ARHGAP15: variants seen among roughly 807,000 people sequenced by gnomAD.
The protein encoded by ARHGAP15 is rho GTPase-activating protein 15.
Under a neutral mutation model 63.7 loss-of-function variants are expected in ARHGAP15, and 51 were observed. That is an observed-to-expected ratio of 0.80 (90% CI 0.64 to 1.01). ARHGAP15 has a LOEUF of 1.01. ARHGAP15 is among the 50% of genes least tolerant of loss of function. The pLI, the probability that ARHGAP15 is intolerant of heterozygous loss-of-function variation, is 0.00. For missense variants in ARHGAP15, 560 were observed against 564.6 expected, an observed-to-expected ratio of 0.99 and a Z score of 0.08; for synonymous variants, 191 against 193.8, an observed-to-expected ratio of 0.99 and a Z score of 0.12.
At chr2:143,166,289 T>G (rs1690529914) in intron 2 of ARHGAP15, among the ~76,000 whole-genome samples, 2 of 152,140 alleles carry the variant, frequency 1.3e-5, no homozygotes, top group Admixed American at 1.3e-4. Flanking sequence ...GTCTCTGCAT[T>G]AATAATTCCT....
intron 8 of ARHGAP15, among the ~76,000 whole-genome samples, chr2:143,474,969 G>T (rs567160510): frequency 1.3e-5 from 2 of 152,196 alleles, no homozygotes; most frequent in Non-Finnish European, 2.9e-5. Flanking sequence ...TAATCCAAAA[G>T]GGTGGCTGGA....
chr2:143,479,207 T>C (rs958997758), intron 8 of ARHGAP15, among the ~76,000 whole-genome samples: 8 of 152,216 alleles, frequency 5.3e-5, no homozygotes, highest in African/African-American at 1.4e-4. Context: ...AAATATCCAA[T>C]ATTCTTATAT....
At chr2:143,441,645 A>C (rs916509695) in intron 8 of ARHGAP15, among the ~76,000 whole-genome samples, 2 of 152,202 alleles carry the variant, frequency 1.3e-5, no homozygotes, top group African/African-American at 4.8e-5. Flanking sequence ...TCTCATACCT[A>C]TCAATTGCTA....
At chr2:143,579,501 A>C (rs1397662859) in intron 11 of ARHGAP15, among the ~76,000 whole-genome samples, 1 of 152,170 alleles carries the variant, frequency 6.6e-6, no homozygotes, top group African/African-American at 2.4e-5. Flanking sequence ...CCTAGGATAA[A>C]TGATGCTCTT....
intron 2 of ARHGAP15, among the ~76,000 whole-genome samples, chr2:143,187,349 G>C (rs1275175483): frequency 6.6e-6 from 1 of 152,216 alleles, no homozygotes; most frequent in Non-Finnish European, 1.5e-5. Context: ...CCCTTAGAAA[G>C]TGCATTAGGG....
At chr2:143,151,354 C>G (rs572533468) in intron 1 of ARHGAP15, among the ~76,000 whole-genome samples, 1 of 152,100 alleles carries the variant, frequency 6.6e-6, no homozygotes, top group South Asian at 2.1e-4. Context: ...ATGTTAATGT[C>G]CCATCCCCAG....
At chr2:143,247,690 T>C (rs1259732717) in intron 5 of ARHGAP15, among the ~76,000 whole-genome samples, 2 of 152,174 alleles carry the variant, frequency 1.3e-5, no homozygotes, top group Admixed American at 1.3e-4. Flanking sequence ...CCCTTATCCC[T>C]GGAGTTCAGG....
At chr2:143,532,024 G>C (rs953496400) in intron 10 of ARHGAP15, among the ~76,000 whole-genome samples, 2 of 152,146 alleles carry the variant, frequency 1.3e-5, no homozygotes, top group African/African-American at 4.8e-5. Flanking sequence ...GACAATGCAT[G>C]TTCACAATGC....
intron 9 of ARHGAP15, among the ~76,000 whole-genome samples, chr2:143,512,055 C>A (rs890590613): frequency 1.3e-5 from 2 of 152,158 alleles, no homozygotes; most frequent in African/African-American, 4.8e-5. Flanking sequence ...AATTTACTAG[C>A]TACTTAATTG....
intron 9 of ARHGAP15, among the ~76,000 whole-genome samples, chr2:143,491,144 T>C (rs1013051986): frequency 1.3e-5 from 2 of 152,200 alleles, no homozygotes; most frequent in African/African-American, 4.8e-5. Flanking sequence ...TTTTTAAATA[T>C]ATGAGTTTAT....
chr2:143,233,299 A>G (rs532004091), intron 5 of ARHGAP15, among the ~76,000 whole-genome samples: 14 of 151,916 alleles, frequency 9.2e-5, no homozygotes, highest in African/African-American at 3.4e-4. Context: ...GGGACAATCT[A>G]TCTCATAGTC....
chr2:143,501,116 T>A (rs1169817007), intron 9 of ARHGAP15, among the ~76,000 whole-genome samples: 1 of 152,154 alleles, frequency 6.6e-6, no homozygotes, highest in Non-Finnish European at 1.5e-5. Flanking sequence ...GACTGAGAAA[T>A]AAGCCGATGG....
chr2:143,678,880 G>A (rs1682957021), intron 12 of ARHGAP15, among the ~76,000 whole-genome samples: 1 of 152,010 alleles, frequency 6.6e-6, no homozygotes. Context: ...AATATATTTA[G>A]CTTTATCCTA....
intron 9 of ARHGAP15, among the ~76,000 whole-genome samples, chr2:143,492,533 A>T (rs980746634): frequency 6.6e-6 from 1 of 152,166 alleles, no homozygotes; most frequent in African/African-American, 2.4e-5. Flanking sequence ...CCAAAGGAAA[A>T]GGACTGCCTG....
At chr2:143,232,638 C>T (rs1693491365) in intron 5 of ARHGAP15, among the ~76,000 whole-genome samples, 1 of 152,182 alleles carries the variant, frequency 6.6e-6, no homozygotes, top group Non-Finnish European at 1.5e-5. Flanking sequence ...ACCCTGCCAG[C>T]CCTTCAGAAG....
intron 8 of ARHGAP15, among the ~76,000 whole-genome samples, chr2:143,485,715 G>A (rs948161771): frequency 1.3e-5 from 2 of 152,046 alleles, no homozygotes; most frequent in Non-Finnish European, 2.9e-5. Flanking sequence ...TACACACCAC[G>A]GATGCTGTTC....
intron 3 of ARHGAP15, among the ~76,000 whole-genome samples, chr2:143,211,959 C>T (rs1692579031): frequency 6.6e-6 from 1 of 152,102 alleles, no homozygotes; most frequent in Non-Finnish European, 1.5e-5. Context: ...GGCATAAGGA[C>T]CATGTGGTTC....
intron 6 of ARHGAP15, among the ~76,000 whole-genome samples, chr2:143,347,241 G>C (rs1685339819): frequency 6.6e-6 from 1 of 152,154 alleles, no homozygotes; most frequent in Non-Finnish European, 1.5e-5. Context: ...CTTGTTAGCA[G>C]TATTTTGTTA....
chr2:143,533,834 A>T (rs1458805105), intron 10 of ARHGAP15, among the ~76,000 whole-genome samples: 1 of 152,200 alleles, frequency 6.6e-6, no homozygotes, highest in Non-Finnish European at 1.5e-5. Flanking sequence ...TGCCTTTATT[A>T]AGGTTTATTT....
Sources: gnomAD v4.1 joint callset for allele counts (sites outside exome capture counted in the v4.1 genomes callset) on GRCh38, gnomAD v4.1.1 for gene constraint, MANE v1.5 for transcripts, NCBI Gene and HGNC (gene_info 2026-07-23, HGNC 2026-07-21) for gene names.